The following GATB variants were observed in gnomAD, a reference collection of about 807,000 sequenced individuals.
The protein encoded by GATB is glutamyl-tRNA amidotransferase subunit B, also known as glutamyl-tRNA(Gln) amidotransferase subunit B, mitochondrial.
A neutral mutation model predicts 62.3 loss-of-function variants in GATB; 39 were observed. The ratio of observed to expected loss-of-function variants is 0.63; its 90% CI spans 0.48 to 0.82. The LOEUF is 0.82. Among genes scored for constraint, GATB ranks in the 40% least tolerant of loss-of-function variants. The probability of loss-of-function intolerance (pLI) is 0.00; values close to 1 mark genes in which losing one functional copy is unlikely to be tolerated. For synonymous variants in GATB, 276 were observed against 258.9 expected (o/e 1.07, Z -0.63); for missense variants, 670 against 684.0 (o/e 0.98, Z 0.23).
At chr4:151,688,507 T>C (rs1207796155) in intron 10 of GATB, 123 bp downstream of exon 10, 3 of 885,604 alleles carry the variant, frequency 3.4e-6, no homozygotes, top group Admixed American at 2.5e-5. Context: ...CAGGGGATGT[T>C]TGTGTCATGT....
intron 5 of GATB, among the ~76,000 whole-genome samples, chr4:151,708,791 C>T (rs1157397375): frequency 6.6e-6 from 1 of 152,164 alleles, no homozygotes; most frequent in Non-Finnish European, 1.5e-5. Context: ...GAGGTGCTGA[C>T]CCCATGCTGG....
chr4:151,748,724 C>T (rs1352543251), intron 2 of GATB, among the ~76,000 whole-genome samples: 1 of 152,146 alleles, frequency 6.6e-6, no homozygotes, highest in Non-Finnish European at 1.5e-5. Flanking sequence ...AGTGAACAGG[C>T]AACCTACAGA....
intron 2 of GATB, among the ~76,000 whole-genome samples, chr4:151,752,685 T>C (rs1274509044): frequency 3.3e-5 from 5 of 152,206 alleles, no homozygotes; most frequent in African/African-American, 9.6e-5. Flanking sequence ...AGGACATTTA[T>C]AAAAGCTATT....
intron 12 of GATB, 148 bp from the exon 13 acceptor site, chr4:151,671,450 G>T: frequency 1.3e-6 from 1 of 741,712 alleles, no homozygotes; most frequent in Non-Finnish European, 2.2e-6. Context: ...AAAAAGGGGA[G>T]GGGCCTCACT....
At chr4:151,737,393 C>G (rs1189621966) in intron 2 of GATB, among the ~76,000 whole-genome samples, 1 of 152,170 alleles carries the variant, frequency 6.6e-6, no homozygotes, top group East Asian at 1.9e-4. Flanking sequence ...GAAGAAATTT[C>G]TAAGCAGCAA....
chr4:151,759,085 A>G (rs900714800), intron 1 of GATB, among the ~76,000 whole-genome samples, 163 bp from the exon 2 acceptor site: 1 of 152,264 alleles, frequency 6.6e-6, no homozygotes, highest in African/African-American at 2.4e-5. Context: ...GTGACTAAAT[A>G]AAAAACAATT....
intron 2 of GATB, among the ~76,000 whole-genome samples, chr4:151,744,082 G>A (rs1739548091): frequency 6.6e-6 from 1 of 152,176 alleles, no homozygotes; most frequent in Admixed American, 6.5e-5. Context: ...AGACCTTGAA[G>A]CCACCATTAT....
In GATB at chr4:151,730,865, G is replaced by C. The variant is rs780468217; in HGVS notation, c.328-11327C>G. On this transcript the variant is annotated intron_variant, in intron 2 of 12. Coordinates refer to ENST00000263985, the MANE Select transcript of GATB (RefSeq NM_004564.3). This position sits in a 1 kb window ranked among gnomAD's most constrained non-coding sequence, Gnocchi z 4.1. ...AACGCTGGTAATATGACAAAACAAG[G>C]CTTTTCAACACTCCCCCAAAATCAC... is the stretch of plus-strand genomic sequence containing the variant. Among the ~76,000 whole-genome samples the C allele has an allele frequency of 1.3e-5, 2 of 152,122 alleles. No individual in the cohort carries two copies. The highest frequency in any genetic ancestry group is 2.9e-5 in the Non-Finnish European group (2 of 68,032).
In GATB at chr4:151,758,796, A is replaced by C; in HGVS notation, c.303T>G (p.Asp101Glu). Residue 101 changes from aspartate to glutamate, a missense_variant, in exon 2 of 13, where the codon GAT becomes GAG. By Grantham distance (45) the Asp-to-Glu change is conservative. Coordinates refer to ENST00000263985, the MANE Select transcript of GATB (RefSeq NM_004564.3). Reference sequence around the variant, plus strand: ...CCGGCAAAGTTCCAGGTAGAGATGCATCAAAAAAAGAAACCAAAGAATTTG... The same window carrying C: ...CCGGCAAAGTTCCAGGTAGAGATGCCTCAAAAAAAGAAACCAAAGAATTTG... Reference protein sequence around the residue: ...APPNSLVSFFDASLPGTLPVL... With the variant: ...APPNSLVSFFEASLPGTLPVL... The C allele has an allele frequency of 2.5e-6, 4 of 1,604,272 alleles. No individual in the cohort carries two copies. Among genetic ancestry groups the C allele is most frequent in the South Asian group, 1.1e-5 (1 of 88,328 alleles).
chr4:151,702,285 A>G (rs1738622037), intron 8 of GATB, among the ~76,000 whole-genome samples: 1 of 152,220 alleles, frequency 6.6e-6, no homozygotes, highest in Non-Finnish European at 1.5e-5. Context: ...TGAAAGGAAA[A>G]AAATTTACCC....
chr4:151,749,891 G>GA (rs1739678778), intron 2 of GATB, among the ~76,000 whole-genome samples: 1 of 150,144 alleles, frequency 6.7e-6, no homozygotes, highest in South Asian at 2.1e-4. Flanking sequence ...TTTGTGTTTT[G>GA]TTTTTTTTTG....
intron 7 of GATB, among the ~76,000 whole-genome samples, chr4:151,704,502 GGAGTGCAGTGGCACTA>G (rs1560850366): frequency 3.9e-5 from 6 of 151,936 alleles, no homozygotes; most frequent in Non-Finnish European, 8.8e-5. Flanking sequence ...CGCCCAGGCT[GGAGTGCAGTGGCACTA>G]TCTCGGCTCA....
At chr4:151,753,922 C>T (rs1348776926) in intron 2 of GATB, among the ~76,000 whole-genome samples, 1 of 152,170 alleles carries the variant, frequency 6.6e-6, no homozygotes, top group Admixed American at 6.5e-5. Flanking sequence ...TCCTCCATGC[C>T]ATGACATTTC....
At chr4:151,682,752 A>C (rs1236631140) in intron 10 of GATB, among the ~76,000 whole-genome samples, 2 of 151,920 alleles carry the variant, frequency 1.3e-5, no homozygotes, top group East Asian at 3.9e-4. Context: ...CCCAAAGTCC[A>C]CCTTCTCTGC....
chr4:151,680,239 T>A lies in GATB; in HGVS notation c.1332-348A>T, dbSNP rs866961190. Among the ~76,000 whole-genome samples the A allele has an allele frequency of 1.6e-4, 24 of 150,614 alleles. No individual in the cohort carries two copies. The Middle Eastern group carries it at 0.014, about 85-fold the overall frequency. On this transcript the variant is annotated intron_variant, in intron 10 of 12. Transcript: ENST00000263985. ...GGAAAGGGAAAACAAACTCCAGTAATTAAATATTTTCAACGGAAAGATCAG... is the reference window on the plus strand; with the variant it reads ...GGAAAGGGAAAACAAACTCCAGTAAATAAATATTTTCAACGGAAAGATCAG...
At chr4:151,723,351 G>A (rs1405854890) in intron 2 of GATB, 2 of 152,220 alleles carry the variant, frequency 1.3e-5, no homozygotes, top group African/African-American at 4.8e-5. Context: ...ACACATGGAA[G>A]TGGCAGAGCC....
chr4:151,731,704 G>A (rs1223335374), intron 2 of GATB, among the ~76,000 whole-genome samples: 1 of 151,812 alleles, frequency 6.6e-6, no homozygotes, highest in Non-Finnish European at 1.5e-5. Context: ...CGTCTGAGAT[G>A]TGGGGAGCGC....
At chr4:151,742,367 C>T (rs980621300) in intron 2 of GATB, among the ~76,000 whole-genome samples, 3 of 152,186 alleles carry the variant, frequency 2.0e-5, no homozygotes, top group East Asian at 1.9e-4. Context: ...GGATTACAGG[C>T]GTGAGCCACC....
Position 151,717,248 on chromosome 4 carries a change from C to T in GATB, c.442-174G>A, listed in dbSNP as rs1288818509. On this transcript the variant is annotated intron_variant, in intron 3 of 12. Coordinates refer to ENST00000263985, the MANE Select transcript of GATB (RefSeq NM_004564.3). ...TGCTGCATTGCAGCCATCATTGAGCCTGGTCTCTTCTGCCCCTGCCATCAC... is the reference window on the plus strand; with the variant it reads ...TGCTGCATTGCAGCCATCATTGAGCTTGGTCTCTTCTGCCCCTGCCATCAC... 13 of 612,794 alleles carry T rather than the reference C, an allele frequency of 2.1e-5. No individual in the cohort carries two copies. In the East Asian group the frequency reaches 3.6e-4, roughly 17 times the overall value. The allele number at this position is 612,794 out of a possible 1,614,324, so 38.0% of individuals were successfully genotyped here.
Sources: allele counts gnomAD v4.1 joint callset (sites outside exome capture counted in the v4.1 genomes callset), GRCh38; gene constraint gnomAD v4.1.1; non-coding constraint Gnocchi (gnomAD v3.1); transcripts MANE v1.5; gene names NCBI Gene and HGNC (gene_info 2026-07-23, HGNC 2026-07-21).